The following CADM2 variants were observed in gnomAD, a reference collection of about 807,000 sequenced individuals.
The protein encoded by CADM2 is immunoglobulin superfamily member 4D.
In CADM2, 12 loss-of-function variants were observed where a neutral mutation model predicts 49.8. The ratio of observed to expected loss-of-function variants is 0.24; its 90% confidence interval spans 0.15 to 0.39. The LOEUF (loss-of-function observed/expected upper bound fraction) is 0.39, where lower values mean the gene tolerates loss of function less well. Ranked by LOEUF, CADM2 falls within the 10% of genes least tolerant of loss-of-function variation. The pLI is 1.00. For synonymous variants in CADM2, 214 were observed against 175.4 expected, an observed-to-expected ratio of 1.22 and a Z score of -1.74; for missense variants, 378 against 492.3, an observed-to-expected ratio of 0.77 and a Z score of 2.20.
At chr3:85,466,519 C>T (rs2038498176) in intron 1 of CADM2, among the ~76,000 whole-genome samples, 1 of 152,098 alleles carries the variant, frequency 6.6e-6, no homozygotes, top group Non-Finnish European at 1.5e-5. Flanking sequence ...ATCTGGTAGT[C>T]ACAACTCTAG....
intron 7 of CADM2, among the ~76,000 whole-genome samples, chr3:85,952,307 G>A (rs1033412563): frequency 6.6e-6 from 1 of 150,688 alleles, no homozygotes; most frequent in South Asian, 2.1e-4. Context: ...TTCTTAGACT[G>A]TATTGCCTTT....
chr3:85,588,407 TAC>T (rs1466055781), intron 1 of CADM2, among the ~76,000 whole-genome samples: 2 of 152,046 alleles, frequency 1.3e-5, no homozygotes, highest in Non-Finnish European at 2.9e-5. Context: ...AAGTTTATGA[TAC>T]AGTGTTGCAA....
chr3:85,114,700 C>T (rs909780628), intron 1 of CADM2, among the ~76,000 whole-genome samples: 1 of 152,146 alleles, frequency 6.6e-6, no homozygotes, highest in South Asian at 2.1e-4. Flanking sequence ...TACTCTCACA[C>T]CTATTAACTG....
chr3:85,360,918 C>A (rs577299498), intron 1 of CADM2, among the ~76,000 whole-genome samples: 2 of 152,252 alleles, frequency 1.3e-5, no homozygotes, highest in Non-Finnish European at 2.9e-5. Context: ...GTGTGGCATC[C>A]TTCACATGCT....
chr3:85,391,107 A>G (rs959865092), intron 1 of CADM2, among the ~76,000 whole-genome samples: 1 of 152,072 alleles, frequency 6.6e-6, no homozygotes, highest in Admixed American at 6.6e-5. Context: ...ACCTCCAATG[A>G]AGTACTTATA....
intron 1 of CADM2, among the ~76,000 whole-genome samples, chr3:85,592,467 T>A (rs1576885251): frequency 6.6e-6 from 1 of 151,858 alleles, no homozygotes; most frequent in African/African-American, 2.4e-5. Context: ...AGGAAAAAAA[T>A]TACTGTAACC....
intron 1 of CADM2, among the ~76,000 whole-genome samples, chr3:85,492,045 T>C (rs2039698623): frequency 1.3e-5 from 2 of 152,120 alleles, no homozygotes. Context: ...CTTTTCATCA[T>C]AGTTCAACAT....
chr3:85,257,367 T>C (rs1311709551), intron 1 of CADM2, among the ~76,000 whole-genome samples: 1 of 152,082 alleles, frequency 6.6e-6, no homozygotes, highest in African/African-American at 2.4e-5. Flanking sequence ...TATACCTATA[T>C]AGTATATTCT....
intron 7 of CADM2, among the ~76,000 whole-genome samples, chr3:85,959,378 T>A (rs1220607917): frequency 2.0e-5 from 3 of 151,856 alleles, no homozygotes; most frequent in Non-Finnish European, 2.9e-5. Flanking sequence ...GTTATATCAG[T>A]GACCATTGAT....
intron 2 of CADM2, among the ~76,000 whole-genome samples, chr3:85,797,893 C>G (rs1433029269): frequency 6.6e-6 from 1 of 152,210 alleles, no homozygotes; most frequent in Non-Finnish European, 1.5e-5. Context: ...AAAAGCGTGC[C>G]TGTATCTCCA....
intron 1 of CADM2, among the ~76,000 whole-genome samples, chr3:85,525,195 A>G (rs560016299): frequency 6.6e-5 from 10 of 152,334 alleles, no homozygotes; most frequent in Admixed American, 2.0e-4. Flanking sequence ...TACATATTAA[A>G]ATAGTTTTAG....
intron 5 of CADM2, among the ~76,000 whole-genome samples, chr3:85,891,066 T>C (rs1211233573): frequency 6.6e-6 from 1 of 152,174 alleles, no homozygotes; most frequent in East Asian, 1.9e-4. Context: ...AATCATAATT[T>C]CATCCAACTC....
intron 5 of CADM2, among the ~76,000 whole-genome samples, chr3:85,901,845 G>A (rs1231309999): frequency 6.6e-6 from 1 of 152,056 alleles, no homozygotes; most frequent in African/African-American, 2.4e-5. Flanking sequence ...TCTACTTTCT[G>A]TCTGTATAAA....
intron 8 of CADM2, among the ~76,000 whole-genome samples, chr3:86,043,153 G>C (rs151193812): frequency 6.6e-5 from 10 of 152,090 alleles, no homozygotes; most frequent in South Asian, 4.1e-4. Context: ...GGAAGCATTC[G>C]CTTTGAAAAC....
intron 1 of CADM2, among the ~76,000 whole-genome samples, chr3:85,147,080 C>T (rs924681115): frequency 1.3e-5 from 2 of 151,988 alleles, no homozygotes; most frequent in African/African-American, 4.8e-5. Flanking sequence ...CAAGACCATC[C>T]TGGCTAACAC....
intron 1 of CADM2, among the ~76,000 whole-genome samples, chr3:85,107,350 A>G (rs1393661869): frequency 6.6e-6 from 1 of 152,214 alleles, no homozygotes; most frequent in Non-Finnish European, 1.5e-5. Flanking sequence ...GGCACATAAA[A>G]GGATGGTCAC....
intron 1 of CADM2, among the ~76,000 whole-genome samples, chr3:85,286,918 T>C (rs2043646937): frequency 6.6e-6 from 1 of 152,116 alleles, no homozygotes; most frequent in African/African-American, 2.4e-5. Flanking sequence ...TCAATATCAG[T>C]AATTTGATGT....
intron 8 of CADM2, among the ~76,000 whole-genome samples, chr3:85,965,166 G>T (rs2108625456): frequency 6.6e-6 from 1 of 151,094 alleles, no homozygotes. Context: ...GGGAGCTATA[G>T]TAAGATGGTC....
intron 1 of CADM2, among the ~76,000 whole-genome samples, chr3:85,071,090 T>A (rs1207236878): frequency 6.6e-6 from 1 of 151,834 alleles, no homozygotes; most frequent in African/African-American, 2.4e-5. Context: ...ACGTTCTCCA[T>A]AAGAAATGTT....
Sources: allele counts gnomAD v4.1 joint callset (sites outside exome capture counted in the v4.1 genomes callset), GRCh38; gene constraint gnomAD v4.1.1; transcripts MANE v1.5; gene names NCBI Gene and HGNC (gene_info 2026-07-23, HGNC 2026-07-21).